The following ICE2 variants were observed in gnomAD, a reference collection of about 807,000 sequenced individuals.
The protein encoded by ICE2 is interactor of little elongation complex ELL subunit 2.
Under a neutral mutation model 105.4 loss-of-function variants are expected in ICE2, and 87 were observed. The observed-to-expected ratio is 0.83, with a 90% confidence interval of 0.69 to 0.99. ICE2 has a LOEUF of 0.99. Ranked by LOEUF, ICE2 falls within the 50% of genes least tolerant of loss-of-function variation. The pLI is 0.00. For synonymous variants in ICE2, 399 were observed against 392.0 expected, an observed-to-expected ratio of 1.02 and a Z score of -0.21; for missense variants, 1,323 against 1,146.7, an observed-to-expected ratio of 1.15 and a Z score of -2.22.
At chr15:60,446,894 CAAAT>C (rs1045282412) in intron 11 of ICE2, among the ~76,000 whole-genome samples, 2 of 151,794 alleles carry the variant, frequency 1.3e-5, no homozygotes, top group African/African-American at 4.8e-5. Context: ...TGTACTGTGA[CAAAT>C]ACATACAACA....
intron 11 of ICE2, 114 bp from the exon 12 acceptor site, chr15:60,442,659 T>C: frequency 1.3e-6 from 1 of 755,714 alleles, no homozygotes; most frequent in Non-Finnish European, 2.1e-6. Flanking sequence ...TCTTATTTCA[T>C]CCTTTCAATT....
chr15:60,447,854 TC>T (rs2063857892), intron 11 of ICE2, 115 bp downstream of exon 11: 1 of 833,560 alleles, frequency 1.2e-6, no homozygotes, highest in African/African-American at 1.7e-5. Flanking sequence ...AAAACAAAAC[TC>T]AACCTGAAGA....
chr15:60,458,698 T>C (rs905753987), intron 5 of ICE2, among the ~76,000 whole-genome samples: 1 of 152,016 alleles, frequency 6.6e-6, no homozygotes, highest in African/African-American at 2.4e-5. Context: ...TGTTTATCAA[T>C]GGATGAACAG....
intron 8 of ICE2, 135 bp downstream of exon 8, chr15:60,454,868 C>G (rs2064059341): frequency 8.2e-6 from 6 of 729,828 alleles, no homozygotes; most frequent in African/African-American, 1.9e-5. Flanking sequence ...CCCCCACCCC[C>G]TGACAGGCCC....
intron 3 of ICE2, among the ~76,000 whole-genome samples, chr15:60,469,866 T>C (rs1291203847): frequency 6.6e-6 from 1 of 152,234 alleles, no homozygotes; most frequent in African/African-American, 2.4e-5. Context: ...CACAACTTCC[T>C]TATCTTATTC....
Position 60,455,120 on chromosome 15 carries a change from A to G in ICE2, c.826T>C (p.Tyr276His). Reference protein sequence around the residue: ...DPNAEKLVSRYHPQIALTSQS... With the variant: ...DPNAEKLVSRHHPQIALTSQS... Reference sequence around the variant, plus strand: ...CTAGTTAGAGCTATCTGAGGGTGATATCTGGAAACAAGCTTCTCTGCATTT... The same window carrying G: ...CTAGTTAGAGCTATCTGAGGGTGATGTCTGGAAACAAGCTTCTCTGCATTT... The change falls in exon 8 of 16, where the codon TAT (tyrosine) becomes CAT (histidine). Residue 276 changes from tyrosine (Y) to histidine (H), a missense_variant. Transcript: ENST00000261520. 1 of 1,589,844 alleles carries G rather than the reference A, an allele frequency of 6.3e-7. No homozygotes were observed. The highest frequency in any genetic ancestry group is 8.5e-7 in the Non-Finnish European group (1 of 1,173,012).
Position 60,472,278 on chromosome 15 carries a change from A to C in ICE2, c.146+3785T>G, listed in dbSNP as rs146926067. On this transcript the variant is annotated intron_variant, in intron 3 of 15. Transcript: ENST00000261520. ...CAAACACTTATGGAGCACAGAGAGT[A>C]AAAGGAAAATTTTTTTTATCTTGAA... Among the ~76,000 whole-genome samples, 72 of 152,282 alleles carry C rather than the reference A, an allele frequency of 4.7e-4. No homozygotes were observed. The East Asian group carries it at 0.011, about 22-fold the overall frequency.
chr15:60,432,742 A>C (rs1211759506), intron 13 of ICE2, among the ~76,000 whole-genome samples: 1 of 151,794 alleles, frequency 6.6e-6, no homozygotes, highest in Non-Finnish European at 1.5e-5. Flanking sequence ...AATACAAAAA[A>C]TTAGCCAGGC....
In ICE2 at chr15:60,421,980, T is replaced by G. The variant is rs2063246022; in HGVS notation, c.*1654A>C. On this transcript the variant is annotated 3_prime_UTR_variant, in exon 16 of 16. Coordinates refer to ENST00000261520, the MANE Select transcript of ICE2 (RefSeq NM_024611.6). ...ATTTTTCGGTCTAATTTCTCAGAAATTAGGCCAAAAGAATAGCTATTCTTT... is the reference window on the plus strand; with the variant it reads ...ATTTTTCGGTCTAATTTCTCAGAAAGTAGGCCAAAAGAATAGCTATTCTTT... 7.2e-6 allele frequency: 1 copy of G among 139,396 alleles called. No individual in the cohort carries two copies. The highest frequency in any genetic ancestry group is 2.5e-5 in the African/African-American group (1 of 39,450). 8.6% of individuals were successfully genotyped at this position (139,396 alleles called of 1,614,324 possible). A position where few individuals can be genotyped will look rare whatever the true frequency, so the allele number is the denominator to read the frequency against.
At chr15:60,473,194 CT>C (rs1300540687) in intron 3 of ICE2, among the ~76,000 whole-genome samples, 2 of 151,202 alleles carry the variant, frequency 1.3e-5, no homozygotes, top group African/African-American at 4.9e-5. Flanking sequence ...CCTCTTGCCC[CT>C]AGCCTCCCAA....
rs2063236594 is a variant in ICE2, at chr15:60,420,894, C to A, written c.*2740G>T. On this transcript the variant is annotated 3_prime_UTR_variant, in exon 16 of 16. Coordinates refer to ENST00000261520, the MANE Select transcript of ICE2 (RefSeq NM_024611.6). ...ATGCATCTAACTAATATCTGCTAAG[C>A]AACTACATGACAGGCACTGTATTAG... is the stretch of plus-strand genomic sequence containing the variant. 1 of 152,150 alleles carries A rather than the reference C, an allele frequency of 6.6e-6. No homozygotes were observed. Among genetic ancestry groups the A allele is most frequent in the South Asian group, 2.1e-4 (1 of 4,830 alleles). 9.4% of individuals were successfully genotyped at this position (152,150 alleles called of 1,614,324 possible).
chr15:60,466,983 T>A (rs1252212361), intron 4 of ICE2, among the ~76,000 whole-genome samples: 1 of 151,606 alleles, frequency 6.6e-6, no homozygotes, highest in Admixed American at 6.6e-5. Flanking sequence ...CAAAAAAAAT[T>A]TTTTTTTTTA....
At chr15:60,453,424 T>C in intron 9 of ICE2, 179 bp downstream of exon 9, 1 of 1,382,786 alleles carries the variant, frequency 7.2e-7, no homozygotes, top group African/African-American at 1.5e-5. Context: ...AGGAGAAAAC[T>C]TAGGCTGAGG....
At chr15:60,441,127 T>C (rs1046940421) in intron 12 of ICE2, 7 of 152,110 alleles carry the variant, frequency 4.6e-5, no homozygotes, top group Admixed American at 3.9e-4. Context: ...GGCTGGCAAA[T>C]TGCATTCAAG....
intron 5 of ICE2, among the ~76,000 whole-genome samples, chr15:60,460,507 A>G (rs545309311): frequency 6.6e-6 from 1 of 152,338 alleles, no homozygotes; most frequent in South Asian, 2.1e-4. Flanking sequence ...CCAAAAAAAA[A>G]TTGATCCACA....
chr15:60,435,354 C>T (rs1188599126), intron 13 of ICE2, among the ~76,000 whole-genome samples: 1 of 149,770 alleles, frequency 6.7e-6, no homozygotes, highest in Non-Finnish European at 1.5e-5. Context: ...AATCCCAGCA[C>T]TTTGGGAGGC....
At chr15:60,462,763 A>G (rs1268321333) in intron 5 of ICE2, among the ~76,000 whole-genome samples, 1 of 152,086 alleles carries the variant, frequency 6.6e-6, no homozygotes, top group Non-Finnish European at 1.5e-5. Flanking sequence ...ATATATATAT[A>G]TGTCTGAGAT....
chr15:60,448,111 A>G lies in ICE2; in HGVS notation c.2154T>C (p.Asp718=), dbSNP rs1027585126. 3 of 1,612,482 alleles carry G rather than the reference A, an allele frequency of 1.9e-6. No homozygotes were observed. The highest frequency in any genetic ancestry group is 2.7e-5 in the African/African-American group (2 of 74,914). ...LPYELQDYVE[D]TSEYLAPQEG... Reference sequence around the variant, plus strand: ...CCTGAGGAGCTAGGTATTCCGATGTATCTTCAACATAGTCCTGAAGTTCAT... The same window carrying G: ...CCTGAGGAGCTAGGTATTCCGATGTGTCTTCAACATAGTCCTGAAGTTCAT... Residue 718 remains aspartate (D), a synonymous_variant, in exon 11 of 16, where the codon GAT becomes GAC. Coordinates refer to ENST00000261520, the MANE Select transcript of ICE2 (RefSeq NM_024611.6).
chr15:60,471,137 T>C (rs745896450), intron 3 of ICE2, among the ~76,000 whole-genome samples: 8 of 152,094 alleles, frequency 5.3e-5, no homozygotes, highest in Non-Finnish European at 1.0e-4. Context: ...CTCTCAGAGC[T>C]AAACAATGGA....
Sources: allele counts gnomAD v4.1 joint callset (sites outside exome capture counted in the v4.1 genomes callset), GRCh38; gene constraint gnomAD v4.1.1; transcripts MANE v1.5; gene names NCBI Gene and HGNC (gene_info 2026-07-23, HGNC 2026-07-21).